The following ARHGAP28 variants were observed in gnomAD, a reference collection of about 807,000 sequenced individuals.
ARHGAP28 encodes rho GTPase-activating protein 28.
Under a neutral mutation model 90.7 loss-of-function variants are expected in ARHGAP28, and 56 were observed. The ratio of observed to expected loss-of-function variants is 0.62; its 90% CI spans 0.50 to 0.77. ARHGAP28 has a LOEUF of 0.77. Among genes scored for constraint, ARHGAP28 ranks in the 30% least tolerant of loss-of-function variants. The pLI, the probability that ARHGAP28 is intolerant of heterozygous loss-of-function variation, is 0.00. For missense variants in ARHGAP28, 869 were observed against 900.9 expected, an observed-to-expected ratio of 0.96 and a Z score of 0.45; for synonymous variants, 308 against 323.3, an observed-to-expected ratio of 0.95 and a Z score of 0.51.
chr18:6,807,306 G>C (rs1277869931), intron 1 of ARHGAP28, among the ~76,000 whole-genome samples: 1 of 152,108 alleles, frequency 6.6e-6, no homozygotes, highest in Non-Finnish European at 1.5e-5. Context: ...TTCATTTGTA[G>C]TGATTGCATT....
intron 17 of ARHGAP28, among the ~76,000 whole-genome samples, chr18:6,909,235 G>A (rs182338009): frequency 7.0e-6 from 1 of 142,056 alleles, no homozygotes; most frequent in Admixed American, 7.0e-5. Context: ...ATGTTGATAT[G>A]GAGTAGGCTT....
In ARHGAP28 at chr18:6,837,240, A is replaced by C. The variant is rs1259652381; in HGVS notation, c.369A>C (p.Ser123=). 6.3e-7 allele frequency: 1 copy of C among 1,583,068 alleles called. No homozygotes were observed. The highest frequency in any genetic ancestry group is 1.8e-5 in the Admixed American group (1 of 56,176). The change falls in exon 3 of 18, where the codon TCA becomes TCC. Residue 123 remains serine, a synonymous_variant. Coordinates refer to ENST00000383472, the MANE Select transcript of ARHGAP28 (RefSeq NM_001366230.1). ...EAEWLQDVGL[S]TLISGDEEED... is the part of the protein sequence containing the mutation. ...AATGGCTGCAAGATGTGGGTTTATCAACTCTGATCTCAGGTGATGAAGAGG... is the reference window on the plus strand; with the variant it reads ...AATGGCTGCAAGATGTGGGTTTATCCACTCTGATCTCAGGTGATGAAGAGG...
intron 1 of ARHGAP28, among the ~76,000 whole-genome samples, chr18:6,750,127 A>G (rs2056057294): frequency 6.6e-6 from 1 of 152,066 alleles, no homozygotes; most frequent in South Asian, 2.1e-4. Context: ...AATTGCTAAC[A>G]TCTACTGAGT....
rs1366963285 is a variant in ARHGAP28 at position 6,732,361 on chromosome 18, C to T, written c.122+2418C>T. Among the ~76,000 whole-genome samples the T allele has an allele frequency of 9.2e-5, 14 of 152,126 alleles. No individual in the cohort carries two copies. The South Asian group carries it at 1.0e-3, about 11-fold the overall frequency. On this transcript the variant is annotated intron_variant, in intron 1 of 17. Coordinates refer to ENST00000383472, the MANE Select transcript of ARHGAP28 (RefSeq NM_001366230.1). The stretch of plus-strand genomic sequence containing the variant: ...TAGGCATTTGGGTTACAGAGATAAA[C>T]GGGACATAGTCCCTGCCCCAAGAAT...
At position 6,787,282 on chromosome 18, in the gene ARHGAP28, A is replaced by G. The variant is rs1028782874; in HGVS notation, c.123-37480A>G. On this transcript the variant is annotated intron_variant, in intron 1 of 17. Coordinates refer to ENST00000383472, the MANE Select transcript of ARHGAP28 (RefSeq NM_001366230.1). Reference sequence around the variant, plus strand: ...CTTGTAAATGTATTTTGAGGATAAGAAAAAAAAAAAACTAAAATAAGAATC... The same window carrying G: ...CTTGTAAATGTATTTTGAGGATAAGGAAAAAAAAAAACTAAAATAAGAATC... Among the ~76,000 whole-genome samples the G allele has an allele frequency of 2.2e-5, 3 of 137,782 alleles. No homozygotes were observed. The East Asian group carries it at 6.0e-4, about 28-fold the overall frequency. The allele number at this position is 137,782 out of a possible 152,430, so 90.4% of individuals were successfully genotyped here.
intron 1 of ARHGAP28, among the ~76,000 whole-genome samples, chr18:6,739,536 C>T (rs1238453168): frequency 6.7e-6 from 1 of 150,286 alleles, no homozygotes; most frequent in East Asian, 2.0e-4. Flanking sequence ...TATATATAAA[C>T]ATATATTCTT....
chr18:6,831,796 T>C (rs900019609), intron 2 of ARHGAP28, among the ~76,000 whole-genome samples: 1 of 152,124 alleles, frequency 6.6e-6, no homozygotes, highest in African/African-American at 2.4e-5. Context: ...TTACATATCC[T>C]TGTCATGTTC....
chr18:6,839,573 A>AG (rs772615081), intron 3 of ARHGAP28, among the ~76,000 whole-genome samples: 2 of 152,218 alleles, frequency 1.3e-5, no homozygotes, highest in Admixed American at 6.5e-5. Context: ...CTGGGATTAC[A>AG]GGCGTGAGCC....
intron 1 of ARHGAP28, among the ~76,000 whole-genome samples, chr18:6,773,311 A>G (rs2056258326): frequency 6.6e-6 from 1 of 152,174 alleles, no homozygotes; most frequent in Non-Finnish European, 1.5e-5. Context: ...ATGCATACAT[A>G]ATGTAATTTT....
At chr18:6,792,095 T>A (rs2143562434) in intron 1 of ARHGAP28, among the ~76,000 whole-genome samples, 1 of 152,152 alleles carries the variant, frequency 6.6e-6, no homozygotes, top group Admixed American at 6.6e-5. Flanking sequence ...CTGTGCCTGG[T>A]TTAAAGTGCA....
intron 1 of ARHGAP28, among the ~76,000 whole-genome samples, chr18:6,775,802 C>T (rs914675394): frequency 6.6e-6 from 1 of 152,172 alleles, no homozygotes; most frequent in Admixed American, 6.5e-5. Flanking sequence ...CTCCCATGCT[C>T]ACTTTGTACG....
At chr18:6,818,026 C>G (rs16950646) in intron 1 of ARHGAP28, among the ~76,000 whole-genome samples, 7,555 of 152,228 alleles carry the variant, frequency 0.05, 601 homozygotes, top group African/African-American at 0.16. Context: ...TCTGGACATG[C>G]TATCAAATTA....
chr18:6,841,203 C>CTCTCTCTCT (rs754874496), intron 3 of ARHGAP28, among the ~76,000 whole-genome samples: 12 of 41,972 alleles, frequency 2.9e-4, no homozygotes, highest in African/African-American at 1.2e-3. Context: ...CTCTCTCTCT[C>CTCTCTCTCT]CTCTCCTCTC....
At chr18:6,737,643 GCT>G (rs2055940008) in intron 1 of ARHGAP28, among the ~76,000 whole-genome samples, 1 of 152,022 alleles carries the variant, frequency 6.6e-6, no homozygotes, top group Non-Finnish European at 1.5e-5. Context: ...CTCTTGCTGT[GCT>G]CTGATTATTG....
intron 1 of ARHGAP28, among the ~76,000 whole-genome samples, chr18:6,776,592 C>T (rs9675676): frequency 0.35 from 53,024 of 151,956 alleles, 10,474 homozygotes; most frequent in African/African-American, 0.52. Flanking sequence ...CCACCATGCC[C>T]GGCCCAAAGT....
At chr18:6,870,288 T>A (rs1299600903) in intron 6 of ARHGAP28, among the ~76,000 whole-genome samples, 3 of 152,184 alleles carry the variant, frequency 2.0e-5, no homozygotes, top group African/African-American at 7.2e-5. Context: ...ATACCCTATT[T>A]TGGACTTTCT....
At chr18:6,766,479 C>G (rs2056200770) in intron 1 of ARHGAP28, among the ~76,000 whole-genome samples, 2 of 152,150 alleles carry the variant, frequency 1.3e-5, no homozygotes, top group African/African-American at 4.8e-5. Context: ...CAGGACCTGC[C>G]AGTCTTCCTG....
At position 6,896,576 on chromosome 18, in the gene ARHGAP28, C is replaced by T; in HGVS notation, c.1980C>T (p.Asn660=). The T allele has an allele frequency of 1.2e-6, 2 of 1,614,156 alleles. No individual in the cohort carries two copies. The highest frequency in any genetic ancestry group is 1.7e-6 in the Non-Finnish European group (2 of 1,180,024). The change falls in exon 16 of 18, where the codon AAC becomes AAT. Residue 660 remains asparagine (N), a synonymous_variant. Transcript: ENST00000383472. The stretch of plus-strand genomic sequence containing the variant: ...AGGTGTCCATGGCCATTCAACTCAA[C>T]AATCAAACCAAAGCCAAAGACATAT... ...LSKVSMAIQL[N]NQTKAKDILA...
At chr18:6,795,783 G>A (rs544789360) in intron 1 of ARHGAP28, among the ~76,000 whole-genome samples, 1 of 152,318 alleles carries the variant, frequency 6.6e-6, no homozygotes, top group South Asian at 2.1e-4. Flanking sequence ...GCCCCTATGT[G>A]AATGGTCAAG....
Sources: gnomAD v4.1 joint callset for allele counts (sites outside exome capture counted in the v4.1 genomes callset) on GRCh38, gnomAD v4.1.1 for gene constraint, MANE v1.5 for transcripts, NCBI Gene and HGNC (gene_info 2026-07-23, HGNC 2026-07-21) for gene names.